SEMA3C: variants seen among roughly 807,000 people sequenced by gnomAD.
SEMA3C encodes semaphorin 3C.
Under a neutral mutation model 89.4 loss-of-function variants are expected in SEMA3C, and 47 were observed. The observed-to-expected ratio is 0.53, with a 90% CI of 0.42 to 0.67. The LOEUF is 0.67. Ranked by LOEUF, SEMA3C falls within the 30% of genes least tolerant of loss-of-function variation. The pLI is 0.00. For synonymous variants in SEMA3C, 310 were observed against 320.2 expected (o/e 0.97, Z 0.34); for missense variants, 839 against 929.1 (o/e 0.90, Z 1.26).
At chr7:80,916,947 T>C in intron 1 of SEMA3C, 128 bp from the exon 2 acceptor site, 2 of 644,748 alleles carry the variant, frequency 3.1e-6, no homozygotes, top group Non-Finnish European at 5.1e-6. Flanking sequence ...ATGCAAACAG[T>C]AGGAGGTGCT....
chr7:80,794,007 C>A (rs1789004137), intron 11 of SEMA3C, among the ~76,000 whole-genome samples: 1 of 151,846 alleles, frequency 6.6e-6, no homozygotes, highest in African/African-American at 2.4e-5. Context: ...TAATCCAAGC[C>A]CTTTGTCTGA....
intron 2 of SEMA3C, among the ~76,000 whole-genome samples, chr7:80,907,299 A>T (rs1792037919): frequency 1.3e-5 from 2 of 152,028 alleles, no homozygotes; most frequent in East Asian, 3.9e-4. Flanking sequence ...CCCCTGCCCG[A>T]CTCCGGAAAG....
At chr7:80,881,595 CT>C (rs1791342382) in intron 2 of SEMA3C, among the ~76,000 whole-genome samples, 1 of 152,062 alleles carries the variant, frequency 6.6e-6, no homozygotes, top group African/African-American at 2.4e-5. Context: ...CAGAGCTTAT[CT>C]TTTGTAATAT....
intron 15 of SEMA3C, among the ~76,000 whole-genome samples, chr7:80,753,302 G>C (rs1167791147): frequency 6.6e-6 from 1 of 152,146 alleles, no homozygotes; most frequent in Admixed American, 6.6e-5. Flanking sequence ...ATATTTTGAA[G>C]TCCAGCATTA....
At chr7:80,875,523 C>T (rs572823435) in intron 2 of SEMA3C, among the ~76,000 whole-genome samples, 173 of 152,066 alleles carry the variant, frequency 1.1e-3, no homozygotes, top group Non-Finnish European at 1.3e-3. Context: ...CAAGCACAAT[C>T]GGAAAAAATT....
intron 12 of SEMA3C, among the ~76,000 whole-genome samples, chr7:80,770,825 CTCT>C (rs1418288585): frequency 9.8e-5 from 15 of 152,322 alleles, no homozygotes; most frequent in Admixed American, 3.9e-4. Context: ...GTAAGTGAGC[CTCT>C]TCTTCTTTCT....
intron 2 of SEMA3C, among the ~76,000 whole-genome samples, chr7:80,913,929 A>G (rs1040062726): frequency 2.0e-5 from 3 of 152,296 alleles, no homozygotes; most frequent in African/African-American, 7.2e-5. Context: ...TGCTTATTGC[A>G]CCGGAAGTAA....
chr7:80,840,419 T>A (rs548679471), intron 2 of SEMA3C, among the ~76,000 whole-genome samples: 1 of 147,808 alleles, frequency 6.8e-6, no homozygotes, highest in Admixed American at 6.9e-5. Context: ...CTCAGGAGAC[T>A]GAGGTAGGAG....
At chr7:80,835,107 TAAAAG>T (rs1222877811) in intron 2 of SEMA3C, among the ~76,000 whole-genome samples, 1 of 152,066 alleles carries the variant, frequency 6.6e-6, no homozygotes, top group Non-Finnish European at 1.5e-5. Flanking sequence ...CAAAAATAGG[TAAAAG>T]ACTCCTTGAT....
chr7:80,798,206 C>G lies in SEMA3C; in HGVS notation c.1017G>C (p.Val339=). 6.4e-7 allele frequency: 1 copy of G among 1,559,384 alleles called. No homozygotes were observed. Among genetic ancestry groups the G allele is most frequent in the Non-Finnish European group, 8.6e-7 (1 of 1,156,386 alleles). ...SSVFKGSAVC[V]YHLSDIQTVF... ...CAGTCTGTATATCAGATAAATGATA[C>G]ACACACACGGCTGATCCTTTGAAAA... Residue 339 remains valine (V), a synonymous_variant, in exon 11 of 18, where the codon GTG becomes GTC. Transcript: ENST00000265361.
intron 2 of SEMA3C, among the ~76,000 whole-genome samples, chr7:80,873,921 T>C (rs1048053844): frequency 1.3e-5 from 2 of 152,128 alleles, no homozygotes; most frequent in African/African-American, 4.8e-5. Context: ...TTAGGAGTTA[T>C]GTTGTTGTTC....
chr7:80,744,995 C>T lies in SEMA3C; in HGVS notation c.2155G>A (p.Gly719Arg). The change falls in exon 18 of 18, where the codon GGA becomes AGA. Residue 719 changes from glycine to arginine, a missense_variant. By Grantham distance (125) the Gly-to-Arg change is moderately radical (BLOSUM62 -2). Transcript: ENST00000265361. ...CCTCTCATTTTCTGTGATTCATCTC[C>T]CTGCTGATGTTGCTGCCGAGTGTCT... Reference protein sequence around the residue: ...CKDTRQQHQQGDESQKMRGDY... With the variant: ...CKDTRQQHQQRDESQKMRGDY... 6.2e-7 allele frequency: 1 copy of T among 1,614,084 alleles called. No homozygotes were observed. The highest frequency in any genetic ancestry group is 8.5e-7 in the Non-Finnish European group (1 of 1,179,974).
At chr7:80,893,541 T>C (rs1431810336) in intron 2 of SEMA3C, among the ~76,000 whole-genome samples, 1 of 152,144 alleles carries the variant, frequency 6.6e-6, no homozygotes, top group Non-Finnish European at 1.5e-5. Context: ...CCTTATGGGA[T>C]TGTAAGTTCA....
chr7:80,798,056 A>G, intron 11 of SEMA3C, 36 bp downstream of exon 11: 1 of 1,571,138 alleles, frequency 6.4e-7, no homozygotes, highest in Non-Finnish European at 8.6e-7. Context: ...AGTTTTTATA[A>G]AGCATCATAA....
At chr7:80,844,601 T>C (rs1305767154) in intron 2 of SEMA3C, among the ~76,000 whole-genome samples, 1 of 152,142 alleles carries the variant, frequency 6.6e-6, no homozygotes, top group Non-Finnish European at 1.5e-5. Flanking sequence ...TCCAGGTACA[T>C]TACATTGCTC....
rs1393545258 is a variant in SEMA3C, at chr7:80,818,437, A to T, written c.328-19T>A. The T allele has an allele frequency of 6.2e-7, 1 of 1,607,866 alleles. No homozygotes were observed. Among genetic ancestry groups the T allele is most frequent in the Admixed American group, 1.7e-5 (1 of 59,868 alleles). On this transcript the variant is annotated intron_variant, in intron 4 of 17. Transcript: ENST00000265361. The stretch of plus-strand genomic sequence containing the variant: ...AGCCGTGCTAAAAGAATCAGTAAAT[A>T]AGCAGTTAGTAACTCAATGACTTTC...
intron 2 of SEMA3C, among the ~76,000 whole-genome samples, chr7:80,902,356 C>T (rs1791901932): frequency 6.6e-6 from 1 of 152,192 alleles, no homozygotes; most frequent in Admixed American, 6.5e-5. Context: ...CTGTTTATTA[C>T]TGACCTGTCC....
At chr7:80,768,165 C>A (rs913035526) in intron 12 of SEMA3C, among the ~76,000 whole-genome samples, 1 of 152,126 alleles carries the variant, frequency 6.6e-6, no homozygotes, top group African/African-American at 2.4e-5. Flanking sequence ...GATTTGCAGG[C>A]TCTAGTTTTA....
chr7:80,815,280 C>T (rs538565579), intron 5 of SEMA3C, among the ~76,000 whole-genome samples: 17 of 151,988 alleles, frequency 1.1e-4, no homozygotes, highest in Non-Finnish European at 1.6e-4. Context: ...TGTCACAGAT[C>T]GTTCTAGGAG....
Sources: allele counts gnomAD v4.1 joint callset (sites outside exome capture counted in the v4.1 genomes callset), GRCh38; gene constraint gnomAD v4.1.1; transcripts MANE v1.5; gene names NCBI Gene and HGNC (gene_info 2026-07-23, HGNC 2026-07-21).